Variants in SCHIP1 observed in about 807,000 individuals in gnomAD.
SCHIP1 encodes schwannomin-interacting protein 1.
A neutral mutation model predicts 29.7 loss-of-function variants in SCHIP1; 8 were observed. The ratio of observed to expected loss-of-function variants is 0.27; its 90% confidence interval spans 0.16 to 0.49. The LOEUF is 0.49. Among genes scored for constraint, SCHIP1 ranks in the 20% least tolerant of loss-of-function variants. The pLI is 0.99. For missense variants in SCHIP1, 193 were observed against 294.6 expected (o/e 0.66, Z 2.52); for synonymous variants, 76 against 94.9 (o/e 0.80, Z 1.16).
chr3:159,543,872 AG>A, the SCHIP1 span, among the ~76,000 whole-genome samples: 1 of 152,282 alleles, frequency 6.6e-6, no homozygotes, highest in South Asian at 2.1e-4. Context: ...CATCCTCTCC[AG>A]CACCTGTTGT....
At chr3:159,721,003 C>A in the SCHIP1 span, among the ~76,000 whole-genome samples, 2 of 151,912 alleles carry the variant, frequency 1.3e-5, no homozygotes, top group East Asian at 1.9e-4. Flanking sequence ...TTTGCTTTTT[C>A]TTTCTTAATA....
the SCHIP1 span, among the ~76,000 whole-genome samples, chr3:159,622,698 C>T: frequency 1.3e-5 from 2 of 152,120 alleles, no homozygotes; most frequent in South Asian, 2.1e-4. Flanking sequence ...GCGGGTGGAT[C>T]ACGAGGTCAG....
At chr3:159,416,691 A>C in the SCHIP1 span, among the ~76,000 whole-genome samples, 1 of 152,234 alleles carries the variant, frequency 6.6e-6, no homozygotes, top group African/African-American at 2.4e-5. Context: ...TTCTACATTT[A>C]AAATCTGGAT....
Position 159,888,736 on chromosome 3 carries a change from T to C in SCHIP1, c.466-84T>C, listed in dbSNP as rs995984296. 1.1e-5 allele frequency: 17 copies of C among 1,549,746 alleles called. No individual in the cohort carries two copies. In the Admixed American group the frequency reaches 3.2e-4, roughly 30 times the overall value. ...GAATTGCAGTGGGTGGGTGAGTGGG[T>C]CTTTTAAGAGAAAACTGGGTCTTAA... On this transcript the variant is annotated intron_variant, in intron 4 of 6. Coordinates refer to ENST00000445224, the Ensembl canonical transcript of SCHIP1.
the SCHIP1 span, among the ~76,000 whole-genome samples, chr3:159,729,477 T>C: frequency 9.8e-4 from 149 of 152,324 alleles, 4 homozygotes; most frequent in South Asian, 9.5e-3. Context: ...TAGAAAATTA[T>C]TGGAAACAAT....
the SCHIP1 span, among the ~76,000 whole-genome samples, chr3:159,574,595 C>A: frequency 1.3e-5 from 2 of 152,242 alleles, no homozygotes; most frequent in Non-Finnish European, 2.9e-5. Context: ...GACAGTCTGT[C>A]CATTCTCAGA....
At chr3:159,572,768 T>C in the SCHIP1 span, among the ~76,000 whole-genome samples, 22 of 152,304 alleles carry the variant, frequency 1.4e-4, no homozygotes, top group African/African-American at 5.1e-4. Context: ...TGTAGGTCTC[T>C]AAGGGCTTGC....
chr3:159,422,790 A>G, the SCHIP1 span, among the ~76,000 whole-genome samples: 1 of 152,146 alleles, frequency 6.6e-6, no homozygotes, highest in Non-Finnish European at 1.5e-5. Context: ...ACTTATTCTC[A>G]TTGCTGTACA....
chr3:159,536,984 T>C, the SCHIP1 span, among the ~76,000 whole-genome samples: 1 of 152,154 alleles, frequency 6.6e-6, no homozygotes, highest in Non-Finnish European at 1.5e-5. Flanking sequence ...CCCAACTCCA[T>C]GTTTAATAAT....
At chr3:159,435,987 A>T in the SCHIP1 span, among the ~76,000 whole-genome samples, 5 of 152,158 alleles carry the variant, frequency 3.3e-5, no homozygotes, top group African/African-American at 1.2e-4. Context: ...TCCTGTTTGC[A>T]TGATAAGAAC....
At chr3:159,761,414 G>C in the SCHIP1 span, among the ~76,000 whole-genome samples, 26 of 152,320 alleles carry the variant, frequency 1.7e-4, no homozygotes, top group African/African-American at 6.3e-4. Flanking sequence ...GGTTTCAAGA[G>C]ACAAATCTAA....
the SCHIP1 span, among the ~76,000 whole-genome samples, chr3:159,481,611 TGTAA>T: frequency 1.4e-4 from 21 of 152,184 alleles, no homozygotes; most frequent in African/African-American, 3.9e-4. Context: ...CCCATTTTTC[TGTAA>T]GTGAGTTCTG....
chr3:159,499,396 C>T, the SCHIP1 span, among the ~76,000 whole-genome samples: 1 of 152,206 alleles, frequency 6.6e-6, no homozygotes, highest in African/African-American at 2.4e-5. Context: ...CTTCTGCATA[C>T]ACCGTAACTT....
the SCHIP1 span, among the ~76,000 whole-genome samples, chr3:159,540,843 C>G: frequency 6.6e-6 from 1 of 152,016 alleles, no homozygotes; most frequent in Non-Finnish European, 1.5e-5. Flanking sequence ...GTTAACAATG[C>G]AACAATGCAT....
the SCHIP1 span, among the ~76,000 whole-genome samples, chr3:159,666,530 G>A: frequency 2.2e-4 from 33 of 152,198 alleles, 1 homozygote; most frequent in African/African-American, 7.7e-4. Context: ...ATTTATATAT[G>A]TACATAGGTT....
the SCHIP1 span, among the ~76,000 whole-genome samples, chr3:159,517,868 G>C: frequency 6.6e-6 from 1 of 152,050 alleles, no homozygotes; most frequent in Non-Finnish European, 1.5e-5. Context: ...TAGTGGAAGA[G>C]ATTTTAAAAA....
At chr3:159,398,576 C>A in the SCHIP1 span, among the ~76,000 whole-genome samples, 8 of 152,092 alleles carry the variant, frequency 5.3e-5, no homozygotes, top group African/African-American at 1.9e-4. Context: ...AATTAGGAGG[C>A]AGTAGCTATA....
At chr3:159,527,436 G>C in the SCHIP1 span, among the ~76,000 whole-genome samples, 1 of 152,196 alleles carries the variant, frequency 6.6e-6, no homozygotes, top group Admixed American at 6.5e-5. Flanking sequence ...CTTCAGCAGA[G>C]AAGATCTCTG....
chr3:159,303,475 G>A, the SCHIP1 span, among the ~76,000 whole-genome samples: 1 of 147,400 alleles, frequency 6.8e-6, no homozygotes, highest in African/African-American at 2.5e-5. Flanking sequence ...ACAAAGAAAA[G>A]AAAAGAAAGA....
Sources: allele counts gnomAD v4.1 joint callset (sites outside exome capture counted in the v4.1 genomes callset), GRCh38; gene constraint gnomAD v4.1.1; transcripts MANE v1.5; gene names NCBI Gene and HGNC (gene_info 2026-07-23, HGNC 2026-07-21).